The following TNRC6C variants were observed in gnomAD, a reference collection of about 807,000 sequenced individuals.
TNRC6C encodes trinucleotide repeat containing adaptor 6C, also known as trinucleotide repeat-containing gene 6C protein.
In TNRC6C, 20 loss-of-function variants were observed where a neutral mutation model predicts 153.7. The observed-to-expected ratio is 0.13, with a 90% confidence interval of 0.09 to 0.19. The LOEUF (loss-of-function observed/expected upper bound fraction) is 0.19, where lower values mean the gene tolerates loss of function less well. Ranked by LOEUF, TNRC6C falls within the 10% of genes least tolerant of loss-of-function variation. The pLI, the probability that TNRC6C is intolerant of heterozygous loss-of-function variation, is 1.00. For synonymous variants in TNRC6C, 811 were observed against 841.4 expected, an observed-to-expected ratio of 0.96 and a Z score of 0.63; for missense variants, 1,987 against 2,172.0, an observed-to-expected ratio of 0.91 and a Z score of 1.69.
At chr17:78,021,230 T>G (rs1358034736) in intron 1 of TNRC6C, among the ~76,000 whole-genome samples, 1 of 152,136 alleles carries the variant, frequency 6.6e-6, no homozygotes, top group African/African-American at 2.4e-5. Context: ...ATGGACAACC[T>G]CTCCAGAGAG....
upstream of TNRC6C, among the ~76,000 whole-genome samples, chr17:78,002,927 T>C (rs1048525451): frequency 6.6e-6 from 1 of 151,888 alleles, no homozygotes; most frequent in Admixed American, 6.6e-5. Context: ...GTGATTAAAA[T>C]AGCTTAGAAG....
At chr17:78,067,720 C>T (rs1377075366) in intron 4 of TNRC6C, 37 bp from the exon 7 acceptor site, 2 of 1,565,666 alleles carry the variant, frequency 1.3e-6, no homozygotes, top group South Asian at 1.2e-5. Context: ...GCGTTAGGGA[C>T]ATGAATTTGA....
At chr17:78,025,329 C>T (rs1200123115) in intron 1 of TNRC6C, among the ~76,000 whole-genome samples, 1 of 152,224 alleles carries the variant, frequency 6.6e-6, no homozygotes, top group East Asian at 1.9e-4. Context: ...ACAGTATCTA[C>T]ATACTGTGGA....
intron 2 of TNRC6C, among the ~76,000 whole-genome samples, chr17:78,042,763 CATGGTGGTGGTGCTG>C (rs773825405): frequency 6.0e-5 from 9 of 150,768 alleles, no homozygotes; most frequent in Non-Finnish European, 1.0e-4. Context: ...TGGTGGTGAT[CATGGTGGTGGTGCTG>C]ATGGTGGTGG....
chr17:78,023,730 C>T lies in TNRC6C; in HGVS notation c.-545-7786C>T, dbSNP rs1051850546. ...CTGAGGTGGGAGGATCACCTGAGCC[C>T]GGAAAGCCAAGGCTACAGTGAGCTG... On this transcript the variant is annotated intron_variant, in intron 1 of 19. Transcript: ENST00000301624. 6.6e-5 allele frequency among the ~76,000 whole-genome samples: 10 copies of T among 152,032 alleles called. No homozygotes were observed. In the South Asian group the frequency reaches 1.9e-3, roughly 28 times the overall value.
intron 1 of TNRC6C, among the ~76,000 whole-genome samples, chr17:77,982,570 G>T (rs940850730): frequency 1.1e-4 from 16 of 152,214 alleles, no homozygotes; most frequent in African/African-American, 3.6e-4. Flanking sequence ...GGTGGCTCAT[G>T]CCTGTAGTCC....
At chr17:77,973,330 G>GGTATCA (rs1408444265) in intron 1 of TNRC6C, among the ~76,000 whole-genome samples, 1 of 152,190 alleles carries the variant, frequency 6.6e-6, no homozygotes, top group Non-Finnish European at 1.5e-5. Context: ...GTATAAAAGA[G>GGTATCA]AGCTGCTTCA....
At chr17:77,979,790 C>CA (rs200517477) in intron 1 of TNRC6C, among the ~76,000 whole-genome samples, 2,324 of 151,836 alleles carry the variant, frequency 0.015, 69 homozygotes, top group African/African-American at 0.054. Context: ...GAAAAATTGC[C>CA]AAAACAAAGA....
rs755489949 is a variant in TNRC6C, at chr17:78,093,138, A to G, written c.4162+14A>G. 1 of 1,611,178 alleles carries G rather than the reference A, an allele frequency of 6.2e-7. No homozygotes were observed. The highest frequency in any genetic ancestry group is 2.2e-5 in the East Asian group (1 of 44,888). On this transcript the variant is annotated intron_variant, in intron 15 of 19. Transcript: ENST00000301624. ...ACTGGCCCCCAGGTAAGACCATGCA[A>G]CACTTCTGTGCAACAGCAGCAGGTC...
chr17:78,051,594 T>C (rs1279151128), intron 3 of TNRC6C, 146 bp downstream of exon 5: 1 of 931,292 alleles, frequency 1.1e-6, no homozygotes, highest in Non-Finnish European at 1.4e-6. Context: ...CGTGCAATAT[T>C]GTATCTAAAG....
intron 5 of TNRC6C, among the ~76,000 whole-genome samples, chr17:78,068,300 A>G (rs1315111818): frequency 6.6e-6 from 1 of 152,236 alleles, no homozygotes; most frequent in Non-Finnish European, 1.5e-5. Flanking sequence ...TTTATTTTAA[A>G]ATGTTAGGTT....
intron 5 of TNRC6C, among the ~76,000 whole-genome samples, chr17:78,068,493 G>C (rs1452610524): frequency 6.6e-6 from 1 of 152,152 alleles, no homozygotes. Flanking sequence ...TGGTTAAGAA[G>C]TCTTAAAACA....
At chr17:78,094,271 C>T (rs996982393) in intron 16 of TNRC6C, among the ~76,000 whole-genome samples, 1 of 151,764 alleles carries the variant, frequency 6.6e-6, no homozygotes, top group Non-Finnish European at 1.5e-5. Flanking sequence ...CATAGAAGTG[C>T]CATCTCTGAT....
chr17:78,098,316 A>C, intron 16 of TNRC6C, 27 bp from the exon 20 acceptor site: 1 of 1,581,238 alleles, frequency 6.3e-7, no homozygotes, highest in Non-Finnish European at 8.6e-7. Context: ...TCAAGACTGC[A>C]TATGCTCCAT....
rs540938979 is a variant in TNRC6C at position 78,024,950 on chromosome 17, C to T, written c.-545-6566C>T. 4.0e-5 allele frequency among the ~76,000 whole-genome samples: 6 copies of T among 151,524 alleles called. No individual in the cohort carries two copies. The East Asian group carries it at 7.8e-4, about 20-fold the overall frequency. On this transcript the variant is annotated intron_variant, in intron 1 of 19. Transcript: ENST00000301624. ...CTGGGATTACAGGTGTGCGCCATGA[C>T]GCCCAGCTAATTTTTGTATTTTTAA...
At chr17:78,009,215 G>A (rs1567912579) in intron 1 of TNRC6C, among the ~76,000 whole-genome samples, 1 of 152,126 alleles carries the variant, frequency 6.6e-6, no homozygotes, top group African/African-American at 2.4e-5. Flanking sequence ...ACTGGCATGG[G>A]TTTTATGACC....
upstream of TNRC6C, among the ~76,000 whole-genome samples, chr17:78,000,630 C>CCCCCCCCCCCA (rs1555628277): frequency 8.0e-5 from 5 of 62,308 alleles, no homozygotes; most frequent in African/African-American, 2.8e-4. Flanking sequence ...CCCCCCCCCC[C>CCCCCCCCCCCA]CACACACACA....
intron 1 of TNRC6C, among the ~76,000 whole-genome samples, chr17:77,982,611 CA>C (rs1438357364): frequency 6.6e-6 from 1 of 152,168 alleles, no homozygotes; most frequent in African/African-American, 2.4e-5. Flanking sequence ...GCGGGCAGAT[CA>C]CCTGAGGTCA....
intron 2 of TNRC6C, among the ~76,000 whole-genome samples, chr17:78,036,101 G>A (rs1270981348): frequency 6.6e-6 from 1 of 152,142 alleles, no homozygotes; most frequent in Non-Finnish European, 1.5e-5. Flanking sequence ...CGCTGAGGGA[G>A]GCGTCCTTAG....
Sources: gnomAD v4.1 joint callset for allele counts (sites outside exome capture counted in the v4.1 genomes callset) on GRCh38, gnomAD v4.1.1 for gene constraint, MANE v1.5 for transcripts, NCBI Gene and HGNC (gene_info 2026-07-23, HGNC 2026-07-21) for gene names.